TOM1: variants seen among roughly 807,000 people sequenced by gnomAD.
TOM1 encodes target of Myb protein 1.
TOM1 carries 38 observed loss-of-function variants against 61.3 expected under a neutral mutation model. The ratio of observed to expected loss-of-function variants is 0.62; its 90% CI spans 0.48 to 0.81. The LOEUF (loss-of-function observed/expected upper bound fraction) is 0.81, where lower values mean the gene tolerates loss of function less well. Among genes scored for constraint, TOM1 ranks in the 40% least tolerant of loss-of-function variants. The probability of loss-of-function intolerance (pLI) is 0.00; values close to 1 mark genes in which losing one functional copy is unlikely to be tolerated. For missense variants in TOM1, 591 were observed against 659.6 expected, an observed-to-expected ratio of 0.90 and a Z score of 1.14; for synonymous variants, 270 against 268.8, an observed-to-expected ratio of 1.00 and a Z score of -0.04.
At chr22:35,346,894 G>T (rs762951289) in intron 13 of TOM1, 36 bp from the exon 14 acceptor site, 2 of 1,606,776 alleles carry the variant, frequency 1.2e-6, no homozygotes, top group African/African-American at 2.7e-5. Flanking sequence ...CTGGGGGCCC[G>T]GCTAACCTCT....
intron 3 of TOM1, 154 bp downstream of exon 3, chr22:35,322,191 C>A (rs1021275023): frequency 1.5e-6 from 1 of 646,176 alleles, no homozygotes; most frequent in Non-Finnish European, 2.7e-6. Context: ...ACACTGCAGG[C>A]GGATGCAGAA....
In TOM1 at chr22:35,345,792, G is replaced by A. The variant is rs766804156; in HGVS notation, c.1284+8G>A. 1.9e-5 allele frequency: 30 copies of A among 1,613,594 alleles called. No individual in the cohort carries two copies. In the Admixed American group the frequency reaches 4.5e-4, roughly 24 times the overall value. ...TGGCTGTCCACTGACGTGGTATGTTGGGGCCCACTCCTCACCCACACAGCA... is the reference window on the plus strand; with the variant it reads ...TGGCTGTCCACTGACGTGGTATGTTAGGGCCCACTCCTCACCCACACAGCA... On this transcript the variant is annotated splice_region_variant and intron_variant, in intron 13 of 14. Coordinates refer to ENST00000449058, the MANE Select transcript of TOM1 (RefSeq NM_005488.3).
In TOM1 at chr22:35,323,709, A is replaced by C. The variant is rs567871031; in HGVS notation, c.502-59A>C. The C allele has an allele frequency of 3.1e-6, 5 of 1,606,210 alleles. No homozygotes were observed. In the East Asian group the frequency reaches 9.0e-5, roughly 29 times the overall value. ...AGAGACATCACCAGGCTGGCCCCTG[A>C]CTTCCTGGGCTCTTGATGTTCCCAG... On this transcript the variant is annotated intron_variant, in intron 5 of 14. Coordinates refer to ENST00000449058, the MANE Select transcript of TOM1 (RefSeq NM_005488.3). The surrounding 1 kb of genome is among the most constrained non-coding windows in gnomAD (Gnocchi z 4.2).
chr22:35,327,188 T>C, intron 6 of TOM1, 83 bp from the exon 7 acceptor site: 1 of 1,319,220 alleles, frequency 7.6e-7, no homozygotes, highest in Non-Finnish European at 1.1e-6. Context: ...CACCCAGGGT[T>C]GGTGGTACTG....
intron 1 of TOM1, among the ~76,000 whole-genome samples, chr22:35,303,353 C>G (rs1235827388): frequency 6.6e-6 from 1 of 152,046 alleles, no homozygotes; most frequent in Non-Finnish European, 1.5e-5. Context: ...ATCTCCGCTT[C>G]CTCCTTGGTA....
chr22:35,310,547 G>A (rs1190930335), intron 1 of TOM1, among the ~76,000 whole-genome samples: 2 of 152,026 alleles, frequency 1.3e-5, no homozygotes, highest in East Asian at 3.9e-4. Flanking sequence ...GTGAGACTCT[G>A]TCTCAAAAAA....
chr22:35,343,742 T>TAC (rs1226840941), intron 12 of TOM1, among the ~76,000 whole-genome samples: 13 of 106,828 alleles, frequency 1.2e-4, no homozygotes, highest in Admixed American at 1.2e-3. Flanking sequence ...CCACCACACC[T>TAC]ACACACACAC....
At position 35,331,278 on chromosome 22, in the gene TOM1, T is replaced by C. The variant is rs1200841317; in HGVS notation, c.899+798T>C. The C allele has an allele frequency of 1.3e-5, 6 of 448,640 alleles. 1 individual carries two copies. Among genetic ancestry groups the C allele is most frequent in the South Asian group, 7.9e-5 (5 of 63,344 alleles). 27.8% of individuals were successfully genotyped at this position (448,640 alleles called of 1,614,324 possible). On this transcript the variant is annotated intron_variant, in intron 8 of 14. Coordinates refer to ENST00000449058, the MANE Select transcript of TOM1 (RefSeq NM_005488.3). ...ACCCAGCTAATTTTCTTTTCTTTTT[T>C]TTTTTTTCTTTTTGCAGAGACAGGG...
rs1431091455 is a variant in TOM1 at position 35,347,188 on chromosome 22, T to C, written c.1458T>C (p.Asp486=). ...GGAAGAAGACCCAGGAGAAAGATGA[T>C]GACATGCTGTTTGCCTTATGAGTGT... ...APRKKTQEKD[D]DMLFAL is the part of the protein sequence containing the mutation. The change falls in exon 15 of 15, where the codon GAT becomes GAC. Residue 486 remains aspartate, a synonymous_variant. Coordinates refer to ENST00000449058, the MANE Select transcript of TOM1 (RefSeq NM_005488.3). 1 of 1,611,312 alleles carries C rather than the reference T, an allele frequency of 6.2e-7. No individual in the cohort carries two copies. The highest frequency in any genetic ancestry group is 8.5e-7 in the Non-Finnish European group (1 of 1,178,764).
chr22:35,345,823 A>G lies in TOM1; in HGVS notation c.1284+39A>G, dbSNP rs199899281. ...CACTCCTCACCCACACAGCAGGAGGACCCGTTGTTCTCACCAAGAAATGAC... is the reference window on the plus strand; with the variant it reads ...CACTCCTCACCCACACAGCAGGAGGGCCCGTTGTTCTCACCAAGAAATGAC... On this transcript the variant is annotated intron_variant, in intron 13 of 14. Coordinates refer to ENST00000449058, the MANE Select transcript of TOM1 (RefSeq NM_005488.3). 6.4e-5 allele frequency: 103 copies of G among 1,607,574 alleles called. No homozygotes were observed. In the East Asian group the frequency reaches 2.3e-3, roughly 36 times the overall value.
At chr22:35,344,126 CT>C (rs1336312026) in intron 12 of TOM1, 2 of 152,380 alleles carry the variant, frequency 1.3e-5, no homozygotes, top group Non-Finnish European at 2.9e-5. Flanking sequence ...AGGCGCACCC[CT>C]GTTAGAAGCC....
chr22:35,332,091 T>C lies in TOM1; in HGVS notation c.900-890T>C, dbSNP rs182481836. Among the ~76,000 whole-genome samples the C allele has an allele frequency of 2.1e-4, 32 of 152,330 alleles. 2 individuals carry two copies. The Middle Eastern group carries it at 0.014, about 65-fold the overall frequency. On this transcript the variant is annotated intron_variant, in intron 8 of 14. Coordinates refer to ENST00000449058, the MANE Select transcript of TOM1 (RefSeq NM_005488.3). ...CTCCTCCAGCCCCTTGTTCATTTTT[T>C]GTGTCTTTCTCCATCAAAAGACACT...
chr22:35,311,748 AC>A (rs1386753506), intron 1 of TOM1, among the ~76,000 whole-genome samples: 1 of 152,248 alleles, frequency 6.6e-6, no homozygotes, highest in Non-Finnish European at 1.5e-5. Flanking sequence ...AAACCTCTGC[AC>A]ATTGGCTGCC....
chr22:35,328,086 G>A (rs117372481), intron 7 of TOM1, among the ~76,000 whole-genome samples: 419 of 152,328 alleles, frequency 2.8e-3, no homozygotes, highest in Non-Finnish European at 4.5e-3. Flanking sequence ...CCTACTGCTC[G>A]TCCACCAGGC....
intron 1 of TOM1, among the ~76,000 whole-genome samples, 197 bp from the exon 2 acceptor site, chr22:35,317,680 C>G (rs1383258463): frequency 2.6e-5 from 4 of 152,070 alleles, no homozygotes; most frequent in Non-Finnish European, 5.9e-5. Context: ...GCCTCAGTGG[C>G]TACAAGAATC....
intron 12 of TOM1, among the ~76,000 whole-genome samples, chr22:35,341,547 C>T (rs1191457300): frequency 1.3e-5 from 2 of 152,114 alleles, no homozygotes; most frequent in Non-Finnish European, 2.9e-5. Flanking sequence ...CGCGAGCCTG[C>T]TGTAGGAGCT....
At chr22:35,300,103 TCC>T in intron 1 of TOM1, 123 bp downstream of exon 1, 1 of 1,094,000 alleles carries the variant, frequency 9.1e-7, no homozygotes, top group Middle Eastern at 2.7e-4. Flanking sequence ...CGTGTAGCTC[TCC>T]GACCTGGCTC....
In TOM1 at chr22:35,323,152, A is replaced by G. The variant is rs1601687957; in HGVS notation, c.341A>G (p.His114Arg). 1 of 1,614,094 alleles carries G rather than the reference A, an allele frequency of 6.2e-7. No homozygotes were observed. The highest frequency in any genetic ancestry group is 8.5e-7 in the Non-Finnish European group (1 of 1,180,046). The change falls in exon 4 of 15, where the codon CAT (histidine) becomes CGT (arginine). Residue 114 changes from histidine to arginine, a missense_variant. Transcript: ENST00000449058. The surrounding 1 kb of genome is among the most constrained non-coding windows in gnomAD (Gnocchi z 4.2). ...LPKNNPPTIVHDKVLNLIQSW... is the reference protein window; with the variant it reads ...LPKNNPPTIVRDKVLNLIQSW... ...AAGAACAACCCACCCACCATCGTGC[A>G]TGACAAAGTGCTCAACCTCATCCAG...
At chr22:35,338,461 T>C (rs947399208) in intron 11 of TOM1, among the ~76,000 whole-genome samples, 1 of 152,194 alleles carries the variant, frequency 6.6e-6, no homozygotes, top group African/African-American at 2.4e-5. Context: ...ATCCTGGTCA[T>C]AGCCATTGGT....
Sources: gnomAD v4.1 joint callset for allele counts (sites outside exome capture counted in the v4.1 genomes callset) on GRCh38, gnomAD v4.1.1 for gene constraint, Gnocchi (gnomAD v3.1) non-coding constraint, MANE v1.5 for transcripts, NCBI Gene and HGNC (gene_info 2026-07-23, HGNC 2026-07-21) for gene names.